The following AGBL4 variants were observed in gnomAD, a reference collection of about 807,000 sequenced individuals.
AGBL4 encodes cytosolic carboxypeptidase 6.
A neutral mutation model predicts 66.4 loss-of-function variants in AGBL4; 58 were observed. The ratio of observed to expected loss-of-function variants is 0.87; its 90% CI spans 0.71 to 1.09. AGBL4 has a LOEUF of 1.09. Among genes scored for constraint, AGBL4 ranks in the 50% least tolerant of loss-of-function variants. The pLI is 0.00. For missense variants in AGBL4, 579 were observed against 631.0 expected, an observed-to-expected ratio of 0.92 and a Z score of 0.88; for synonymous variants, 234 against 222.9, an observed-to-expected ratio of 1.05 and a Z score of -0.44.
At chr1:48,602,725 G>A (rs1045675090) in intron 9 of AGBL4, among the ~76,000 whole-genome samples, 5 of 149,648 alleles carry the variant, frequency 3.3e-5, no homozygotes, top group South Asian at 2.2e-4. Context: ...CTGGAAGAGC[G>A]AAAACAGGAA....
intron 5 of AGBL4, among the ~76,000 whole-genome samples, chr1:48,990,916 TTATTA>T (rs1660553680): frequency 6.6e-6 from 1 of 152,190 alleles, no homozygotes; most frequent in South Asian, 2.1e-4. Flanking sequence ...TATTTATATC[TTATTA>T]TATATGTCTT....
chr1:49,590,936 G>A (rs1423064849), intron 3 of AGBL4, among the ~76,000 whole-genome samples: 5 of 151,608 alleles, frequency 3.3e-5, no homozygotes, highest in Non-Finnish European at 7.4e-5. Flanking sequence ...AAATCACAAG[G>A]GATATTAGAA....
intron 5 of AGBL4, among the ~76,000 whole-genome samples, chr1:48,956,142 T>G (rs12140723): frequency 0.15 from 22,671 of 152,114 alleles, 3,148 homozygotes; most frequent in African/African-American, 0.36. Flanking sequence ...GGTAACAAAC[T>G]GCCTTGGATT....
intron 6 of AGBL4, among the ~76,000 whole-genome samples, chr1:48,805,470 A>T (rs1229571289): frequency 1.3e-5 from 2 of 152,102 alleles, no homozygotes; most frequent in Non-Finnish European, 2.9e-5. Flanking sequence ...TTTCATGGGG[A>T]TTTCCTCAAC....
At chr1:49,939,368 G>A (rs1208639984) in intron 1 of AGBL4, among the ~76,000 whole-genome samples, 2 of 152,052 alleles carry the variant, frequency 1.3e-5, no homozygotes, top group Non-Finnish European at 2.9e-5. Flanking sequence ...AGTTCATATG[G>A]AACCAAAAAC....
At chr1:49,220,320 G>A in intron 4 of AGBL4, among the ~76,000 whole-genome samples, 1 of 152,108 alleles carries the variant, frequency 6.6e-6, no homozygotes, top group Non-Finnish European at 1.5e-5. Context: ...CCATCAGTAT[G>A]TAATGGAATG....
intron 3 of AGBL4, among the ~76,000 whole-genome samples, chr1:49,373,202 T>C (rs921202030): frequency 3.3e-5 from 5 of 152,240 alleles, no homozygotes; most frequent in Admixed American, 2.0e-4. Context: ...TTAAATATTT[T>C]GTTCACCCAT....
intron 5 of AGBL4, among the ~76,000 whole-genome samples, chr1:48,922,364 A>T (rs1654152520): frequency 1.3e-5 from 2 of 152,156 alleles, no homozygotes; most frequent in Admixed American, 1.3e-4. Flanking sequence ...GAAGAAAAAA[A>T]TTAGCTGGCA....
intron 5 of AGBL4, among the ~76,000 whole-genome samples, chr1:49,005,688 G>A (rs936363250): frequency 1.3e-5 from 2 of 152,116 alleles, no homozygotes; most frequent in Non-Finnish European, 2.9e-5. Context: ...AGTATATATA[G>A]GATTTTGTAC....
At chr1:48,560,263 G>T (rs1310944477) in intron 11 of AGBL4, among the ~76,000 whole-genome samples, 1 of 152,174 alleles carries the variant, frequency 6.6e-6, no homozygotes, top group Non-Finnish European at 1.5e-5. Context: ...CATCAGAAAG[G>T]GTATGTGTCC....
At chr1:49,787,502 CA>C (rs201411173) in intron 2 of AGBL4, among the ~76,000 whole-genome samples, 2,381 of 74,456 alleles carry the variant, frequency 0.032, 46 homozygotes, top group Admixed American at 0.13. Flanking sequence ...GACTCTGTCT[CA>C]AAAAAAAAAA....
intron 3 of AGBL4, among the ~76,000 whole-genome samples, chr1:49,276,860 C>G (rs1644178147): frequency 6.6e-6 from 1 of 152,090 alleles, no homozygotes; most frequent in African/African-American, 2.4e-5. Flanking sequence ...TGATTTTTCC[C>G]CATGTGCACA....
At chr1:49,835,574 T>G (rs1645825337) in intron 2 of AGBL4, among the ~76,000 whole-genome samples, 1 of 152,208 alleles carries the variant, frequency 6.6e-6, no homozygotes, top group African/African-American at 2.4e-5. Flanking sequence ...CATTTGCATT[T>G]AAGGCTAACA....
At chr1:48,657,898 G>T (rs1424171697) in intron 7 of AGBL4, among the ~76,000 whole-genome samples, 1 of 152,186 alleles carries the variant, frequency 6.6e-6, no homozygotes, top group Non-Finnish European at 1.5e-5. Flanking sequence ...TTACATTGTG[G>T]TTTAAGTCTG....
chr1:49,123,603 G>C (rs1244168367), intron 4 of AGBL4, among the ~76,000 whole-genome samples: 1 of 152,178 alleles, frequency 6.6e-6, no homozygotes, highest in African/African-American at 2.4e-5. Context: ...ATAGCCCCAT[G>C]AAATGTTTTT....
At chr1:49,417,114 A>G (rs987158795) in intron 3 of AGBL4, among the ~76,000 whole-genome samples, 3 of 152,126 alleles carry the variant, frequency 2.0e-5, no homozygotes, top group African/African-American at 7.2e-5. Flanking sequence ...TCTCAGGTCT[A>G]TCCCTTCAGT....
At chr1:49,452,530 T>G (rs1025104474) in intron 3 of AGBL4, among the ~76,000 whole-genome samples, 21 of 152,026 alleles carry the variant, frequency 1.4e-4, no homozygotes, top group African/African-American at 4.8e-4. Context: ...CAATAGTCTC[T>G]TAGCACACAG....
intron 6 of AGBL4, among the ~76,000 whole-genome samples, chr1:48,689,218 A>G (rs1384766079): frequency 4.0e-5 from 6 of 151,226 alleles, no homozygotes; most frequent in Admixed American, 6.6e-5. Flanking sequence ...AAAAAAAAAA[A>G]AAAAAGAAAA....
intron 6 of AGBL4, among the ~76,000 whole-genome samples, chr1:48,771,454 T>C (rs1015703002): frequency 1.3e-5 from 2 of 152,246 alleles, no homozygotes; most frequent in African/African-American, 2.4e-5. Context: ...AAGCACTCTG[T>C]AGCACATACT....
Sources: gnomAD v4.1 joint callset for allele counts (sites outside exome capture counted in the v4.1 genomes callset) on GRCh38, gnomAD v4.1.1 for gene constraint, MANE v1.5 for transcripts, NCBI Gene and HGNC (gene_info 2026-07-23, HGNC 2026-07-21) for gene names.